Variants in CHD7 observed in about 807,000 individuals in gnomAD.
The protein encoded by CHD7 is ATP-dependent chromatin remodeler CHD7.
Under a neutral mutation model 307.3 loss-of-function variants are expected in CHD7, and 24 were observed. The ratio of observed to expected loss-of-function variants is 0.08; its 90% confidence interval spans 0.06 to 0.11. CHD7 has a LOEUF of 0.11. Ranked by LOEUF, CHD7 falls within the 10% of genes least tolerant of loss-of-function variation. The pLI is 1.00. For missense variants in CHD7, 3,106 were observed against 3,727.1 expected (o/e 0.83, Z 4.34); for synonymous variants, 1,363 against 1,349.9 (o/e 1.01, Z -0.21).
At chr8:60,829,687 A>G (rs375359062) in intron 14 of CHD7, among the ~76,000 whole-genome samples, 1 of 152,228 alleles carries the variant, frequency 6.6e-6, no homozygotes, top group African/African-American at 2.4e-5. Flanking sequence ...TGTGTGCTGT[A>G]TTTGAAATAA....
intron 2 of CHD7, among the ~76,000 whole-genome samples, chr8:60,761,243 C>CA (rs1810185176): frequency 6.8e-6 from 1 of 147,970 alleles, no homozygotes; most frequent in African/African-American, 2.5e-5. Flanking sequence ...ATCGCAAGAA[C>CA]AAAAAACCAA....
rs1563638096 is a variant in CHD7, at chr8:60,830,340, A to T, written c.3541A>T (p.Ile1181Phe). 1 of 1,613,402 alleles carries T rather than the reference A, an allele frequency of 6.2e-7. No homozygotes were observed. Among genetic ancestry groups the T allele is most frequent in the Non-Finnish European group, 8.5e-7 (1 of 1,179,738 alleles). Reference protein sequence around the residue: ...TEEQVQKLQAILKPMMLRRLK... With the variant: ...TEEQVQKLQAFLKPMMLRRLK... ...TTTTTAGGTGCAAAAACTTCAAGCT[A>T]TTCTAAAGCCAATGATGTTGAGACG... Residue 1181 changes from isoleucine (I) to phenylalanine (F), a missense_variant, in exon 15 of 38, where the codon ATT (isoleucine) becomes TTT (phenylalanine). Coordinates refer to ENST00000423902, the MANE Select transcript of CHD7 (RefSeq NM_017780.4).
intron 3 of CHD7, among the ~76,000 whole-genome samples, chr8:60,783,782 G>A (rs1039175722): frequency 6.6e-6 from 1 of 152,118 alleles, no homozygotes; most frequent in East Asian, 1.9e-4. Context: ...TGGGGGGGGC[G>A]GGGCACAAAG....
chr8:60,842,495 G>T (rs1563649696), intron 21 of CHD7, among the ~76,000 whole-genome samples: 1 of 152,154 alleles, frequency 6.6e-6, no homozygotes, highest in Non-Finnish European at 1.5e-5. Context: ...AAACATGAAT[G>T]GTCATTTGAA....
intron 2 of CHD7, among the ~76,000 whole-genome samples, chr8:60,744,853 TA>T (rs149381181): frequency 0.81 from 113,659 of 141,158 alleles, 45,912 homozygotes; most frequent in East Asian, 0.93. Flanking sequence ...AGACTCCATC[TA>T]AAAAAAAAAA....
At chr8:60,737,901 G>A (rs749032540) in intron 1 of CHD7, among the ~76,000 whole-genome samples, 4 of 152,146 alleles carry the variant, frequency 2.6e-5, no homozygotes, top group African/African-American at 4.8e-5. Flanking sequence ...AGGGAATTTT[G>A]TTTTATTCAC....
chr8:60,733,833 T>C (rs1235796400), intron 1 of CHD7, among the ~76,000 whole-genome samples: 2 of 152,204 alleles, frequency 1.3e-5, no homozygotes, highest in Admixed American at 1.3e-4. Context: ...CAAAGTTATG[T>C]AGAAATAACT....
intron 28 of CHD7, 107 bp downstream of exon 28, chr8:60,851,426 A>G (rs1805452119): frequency 2.5e-6 from 2 of 795,664 alleles, no homozygotes; most frequent in Middle Eastern, 2.2e-4. Context: ...TTAACACCTT[A>G]TTTCTTCTAC....
At chr8:60,808,072 C>T (rs1812621122) in intron 6 of CHD7, 145 bp from the exon 7 acceptor site, 1 of 639,216 alleles carries the variant, frequency 1.6e-6, no homozygotes, top group Admixed American at 2.8e-5. Context: ...GGCCACCTCC[C>T]AGCACACGGT....
At chr8:60,733,093 G>A (rs1808535234) in intron 1 of CHD7, among the ~76,000 whole-genome samples, 1 of 151,968 alleles carries the variant, frequency 6.6e-6, no homozygotes, top group Admixed American at 6.6e-5. Context: ...AAATTAGCTG[G>A]GTGTGGTGGT....
At position 60,717,959 on chromosome 8, in the gene CHD7, A is replaced by AT. The variant is rs1554577186; in HGVS notation, c.-174-23291dup. Among the ~76,000 whole-genome samples, 821 of 105,568 alleles carry AT rather than the reference A, an allele frequency of 7.8e-3. 2 individuals carry two copies. Among genetic ancestry groups the AT allele is most frequent in the Non-Finnish European group, 0.013 (526 of 40,444 alleles). The allele number at this position is 105,568 out of a possible 152,430, so 69.3% of individuals were successfully genotyped here. Reference sequence around the variant, plus strand: ...TATTTTGGAGTATACCCCTTCTACCATTTTTTTTTAAATTTAACTGTAAAA... The same window carrying AT: ...TATTTTGGAGTATACCCCTTCTACCATTTTTTTTTTAAATTTAACTGTAAAA... On this transcript the variant is annotated intron_variant, in intron 1 of 37. Coordinates refer to ENST00000423902, the MANE Select transcript of CHD7 (RefSeq NM_017780.4).
At chr8:60,841,810 T>C (rs762009393) in intron 20 of CHD7, 37 bp from the exon 21 acceptor site, 2 of 1,608,670 alleles carry the variant, frequency 1.2e-6, no homozygotes, top group Admixed American at 1.7e-5. Context: ...AGCCACTCTT[T>C]GAGAAATGTC....
intron 31 of CHD7, 21 bp downstream of exon 31, chr8:60,853,521 C>T (rs543832154): frequency 1.2e-4 from 181 of 1,485,758 alleles, no homozygotes; most frequent in Admixed American, 4.3e-4. Flanking sequence ...ACCACTGGCC[C>T]CTCTCCTGAC....
chr8:60,689,898 A>G (rs970192793), intron 1 of CHD7, among the ~76,000 whole-genome samples: 1 of 152,204 alleles, frequency 6.6e-6, no homozygotes, highest in African/African-American at 2.4e-5. Context: ...GTGTTTATCC[A>G]AGATGTAATT....
At chr8:60,737,064 T>C (rs1247130046) in intron 1 of CHD7, among the ~76,000 whole-genome samples, 3 of 152,208 alleles carry the variant, frequency 2.0e-5, no homozygotes, top group Admixed American at 1.3e-4. Flanking sequence ...TTTCAAAATA[T>C]TAATATTTTC....
intron 1 of CHD7, among the ~76,000 whole-genome samples, chr8:60,706,873 G>A (rs1259644445): frequency 1.3e-5 from 2 of 152,074 alleles, no homozygotes; most frequent in Non-Finnish European, 2.9e-5. Context: ...ACAACATGCA[G>A]GTTTGTTACA....
chr8:60,788,130 T>C (rs967518277), intron 3 of CHD7, among the ~76,000 whole-genome samples: 1 of 145,374 alleles, frequency 6.9e-6, no homozygotes, highest in Non-Finnish European at 1.5e-5. Context: ...CCCAGGTGAC[T>C]TTTTTTTTTT....
At chr8:60,766,366 G>T (rs536247835) in intron 2 of CHD7, among the ~76,000 whole-genome samples, 1 of 152,248 alleles carries the variant, frequency 6.6e-6, no homozygotes, top group Non-Finnish European at 1.5e-5. Context: ...CCATGGTGAG[G>T]TGAGGACTTT....
At chr8:60,863,608 T>C (rs543332761) in intron 37 of CHD7, 3 of 152,284 alleles carry the variant, frequency 2.0e-5, no homozygotes, top group South Asian at 4.1e-4. Flanking sequence ...ACATTTTCCA[T>C]ATTTCAAAAA....
Sources: allele counts gnomAD v4.1 joint callset (sites outside exome capture counted in the v4.1 genomes callset), GRCh38; gene constraint gnomAD v4.1.1; transcripts MANE v1.5; gene names NCBI Gene and HGNC (gene_info 2026-07-23, HGNC 2026-07-21).